The following GCNT3 variants were observed in gnomAD, a reference collection of about 807,000 sequenced individuals.
GCNT3 encodes the protein beta-1,3-galactosyl-O-glycosyl-glycoprotein beta-1,6-N-acetylglucosaminyltransferase 3.
For missense variants in GCNT3, 708 were observed against 530.3 expected, an observed-to-expected ratio of 1.34 and a Z score of -3.29; for synonymous variants, 269 against 195.2, an observed-to-expected ratio of 1.38 and a Z score of -3.15.
At chr15:59,612,667 A>G (rs1457538029) in intron 1 of GCNT3, among the ~76,000 whole-genome samples, 1 of 152,084 alleles carries the variant, frequency 6.6e-6, no homozygotes, top group African/African-American at 2.4e-5. Context: ...AGTGTCCTGT[A>G]TGTTCTTCAG....
intron 1 of GCNT3, among the ~76,000 whole-genome samples, chr15:59,614,045 A>G (rs2082708533): frequency 6.6e-6 from 1 of 152,172 alleles, no homozygotes; most frequent in Non-Finnish European, 1.5e-5. Flanking sequence ...AAAGCCCTCA[A>G]CTATTCAAGG....
chr15:59,614,775 C>T (rs972922361), intron 1 of GCNT3, among the ~76,000 whole-genome samples: 2 of 152,198 alleles, frequency 1.3e-5, no homozygotes, highest in East Asian at 3.8e-4. Context: ...ATGCCTTAAC[C>T]ATCTGCTAAT....
At chr15:59,613,061 C>T (rs1296051250) in intron 1 of GCNT3, among the ~76,000 whole-genome samples, 4 of 152,028 alleles carry the variant, frequency 2.6e-5, no homozygotes, top group African/African-American at 7.2e-5. Flanking sequence ...ATAACCTTCA[C>T]TGAGGGGCTG....
rs767649062 is a variant in GCNT3 at position 59,619,536 on chromosome 15, T to C, written c.1298T>C (p.Ile433Thr). ...CLEEYLRYKA[I>T]YGTEL ...GAAGAATACCTACGTTATAAGGCCA[T>C]CTATGGGACTGAACTTTGAGACACA... The change falls in exon 3 of 3, where the codon ATC becomes ACC. Residue 433 changes from isoleucine to threonine, a missense_variant. Physicochemically the swap from Ile to Thr is moderately conservative, Grantham distance 89. Coordinates refer to ENST00000396065, the MANE Select transcript of GCNT3 (RefSeq NM_004751.3). 1.3e-6 allele frequency: 2 copies of C among 1,594,416 alleles called. No homozygotes were observed. Among genetic ancestry groups the C allele is most frequent in the Non-Finnish European group, 8.6e-7 (1 of 1,166,068 alleles).
chr15:59,612,732 C>G (rs1217279930), intron 1 of GCNT3, among the ~76,000 whole-genome samples: 1 of 152,134 alleles, frequency 6.6e-6, no homozygotes, highest in Non-Finnish European at 1.5e-5. Flanking sequence ...GAATGCTTGC[C>G]TGATCTCTGC....
rs761038958 is a variant in GCNT3, at chr15:59,619,265, C to T, written c.1027C>T (p.Pro343Ser). 1.9e-6 allele frequency: 3 copies of T among 1,614,106 alleles called. No homozygotes were observed. Among genetic ancestry groups the T allele is most frequent in the Non-Finnish European group, 2.5e-6 (3 of 1,180,028 alleles). Residue 343 changes from proline (P) to serine (S), a missense_variant, in exon 3 of 3, where the codon CCT (proline) becomes TCT (serine). Pro to Ser is a moderately conservative substitution (Grantham distance 74, BLOSUM62 -1). Coordinates refer to ENST00000396065, the MANE Select transcript of GCNT3 (RefSeq NM_004751.3). Reference sequence around the variant, plus strand: ...CACCCTTCAGCGTGCACGGTGGATGCCTGGCTCTGTTCCCAACCACCCCAA... The same window carrying T: ...CACCCTTCAGCGTGCACGGTGGATGTCTGGCTCTGTTCCCAACCACCCCAA... ...WATLQRARWMPGSVPNHPKYD... is the reference protein window; with the variant it reads ...WATLQRARWMSGSVPNHPKYD...
chr15:59,615,032 G>A (rs1413541646), intron 1 of GCNT3: 1 of 152,076 alleles, frequency 6.6e-6, no homozygotes, highest in African/African-American at 2.4e-5. Context: ...CTCCATTATT[G>A]CCTCATTATC....
chr15:59,613,416 T>C (rs1566904243), intron 1 of GCNT3, among the ~76,000 whole-genome samples: 3 of 151,842 alleles, frequency 2.0e-5, no homozygotes, highest in African/African-American at 4.8e-5. Context: ...AAATAAAATA[T>C]TTGGCTGGGC....
chr15:59,619,344 A>G lies in GCNT3; in HGVS notation c.1106A>G (p.His369Arg). Residue 369 changes from histidine (H) to arginine (R), a missense_variant, in exon 3 of 3, where the codon CAT (histidine) becomes CGT (arginine). By Grantham distance (29) the His-to-Arg change is conservative. Coordinates refer to ENST00000396065, the MANE Select transcript of GCNT3 (RefSeq NM_004751.3). ...SIARLVKWQGHEGDIDKGAPY... is the reference protein window; with the variant it reads ...SIARLVKWQGREGDIDKGAPY... ...GCCAGGCTGGTCAAGTGGCAGGGTC[A>G]TGAGGGAGACATCGATAAGGGTGCT... 1 of 1,614,112 alleles carries G rather than the reference A, an allele frequency of 6.2e-7. No individual in the cohort carries two copies. The highest frequency in any genetic ancestry group is 8.5e-7 in the Non-Finnish European group (1 of 1,180,006).
At position 59,619,338 on chromosome 15, in the gene GCNT3, AG is replaced by A. The variant is rs1273753615; in HGVS notation, c.1103del (p.Gly368ValfsTer31). ...TCTATTGCCAGGCTGGTCAAGTGGC[AG>A]GGTCATGAGGGAGACATCGATAAGG... The part of the protein sequence containing the change: ...MTSIARLVKW[Q>X]GHEGDIDKGA... On this transcript the variant is annotated frameshift_variant, in exon 3 of 3. Transcript: ENST00000396065. LOFTEE classifies it low-confidence loss of function (END_TRUNC). The A allele has an allele frequency of 6.2e-7, 1 of 1,614,060 alleles. No individual in the cohort carries two copies. The highest frequency in any genetic ancestry group is 8.5e-7 in the Non-Finnish European group (1 of 1,180,000).
At chr15:59,617,170 C>CTTTTTT (rs373439386) in intron 2 of GCNT3, among the ~76,000 whole-genome samples, 3 of 82,388 alleles carry the variant, frequency 3.6e-5, no homozygotes, top group African/African-American at 9.3e-5. Context: ...CTTTTGTTTT[C>CTTTTTT]TTTCTTTCTT....
chr15:59,619,476 A>C lies in GCNT3; in HGVS notation c.1238A>C (p.Asp413Ala). Residue 413 changes from aspartate to alanine, a missense_variant, in exon 3 of 3, where the codon GAC becomes GCC. Coordinates refer to ENST00000396065, the MANE Select transcript of GCNT3 (RefSeq NM_004751.3). ...CATCACCTGTTGGCCAACAAGTTTGACCCAAAGGTAGATGATAATGCTCTT... is the reference window on the plus strand; with the variant it reads ...CATCACCTGTTGGCCAACAAGTTTGCCCCAAAGGTAGATGATAATGCTCTT... ...QNHHLLANKFDPKVDDNALQC... is the reference protein window; with the variant it reads ...QNHHLLANKFAPKVDDNALQC... 2 of 1,614,048 alleles carry C rather than the reference A, an allele frequency of 1.2e-6. No homozygotes were observed. The highest frequency in any genetic ancestry group is 1.7e-6 in the Non-Finnish European group (2 of 1,179,960).
intron 1 of GCNT3, among the ~76,000 whole-genome samples, chr15:59,615,919 T>A (rs368287197): frequency 2.0e-5 from 3 of 152,072 alleles, no homozygotes; most frequent in Non-Finnish European, 4.4e-5. Context: ...TGTTCAGATA[T>A]TTGGTTAGGA....
intron 1 of GCNT3, among the ~76,000 whole-genome samples, chr15:59,615,944 G>T (rs933536447): frequency 6.6e-6 from 1 of 152,152 alleles, no homozygotes; most frequent in Non-Finnish European, 1.5e-5. Flanking sequence ...TGCTTTTTAG[G>T]AGGAGCAGTT....
chr15:59,618,170 C>A lies in GCNT3; in HGVS notation c.-60-9C>A, dbSNP rs1376741593. The A allele has an allele frequency of 1.2e-6, 1 of 820,734 alleles. No homozygotes were observed. Among genetic ancestry groups the A allele is most frequent in the Non-Finnish European group, 1.9e-6 (1 of 513,872 alleles). The allele number at this position is 820,734 out of a possible 1,614,324, so 50.8% of individuals were successfully genotyped here. A position where few individuals can be genotyped will look rare whatever the true frequency, so the allele number is the denominator to read the frequency against. ...GGTTTGTAACTGGAGGCATTTTGTT[C>A]TGTCCAAGGATTGTGTCCTCCTCCA... On this transcript the variant is annotated splice_polypyrimidine_tract_variant and intron_variant, in intron 2 of 2. Transcript: ENST00000396065.
intron 1 of GCNT3, among the ~76,000 whole-genome samples, chr15:59,612,611 C>T (rs1479446973): frequency 6.6e-6 from 1 of 152,098 alleles, no homozygotes; most frequent in Non-Finnish European, 1.5e-5. Context: ...GAAATGTGCC[C>T]GGGATCCCAG....
Position 59,618,467 on chromosome 15 carries a change from G to T in GCNT3, c.229G>T (p.Asp77Tyr). 6.2e-7 allele frequency: 1 copy of T among 1,614,110 alleles called. No individual in the cohort carries two copies. The highest frequency in any genetic ancestry group is 8.5e-7 in the Non-Finnish European group (1 of 1,179,974). ...SINCSGVTRGDQEAVLQAILN... is the reference protein window; with the variant it reads ...SINCSGVTRGYQEAVLQAILN... The stretch of plus-strand genomic sequence containing the variant: ...CAACTGTTCAGGGGTCACCCGAGGG[G>T]ACCAAGAGGCAGTGCTTCAGGCTAT... The change falls in exon 3 of 3, where the codon GAC becomes TAC. Residue 77 changes from aspartate to tyrosine, a missense_variant. Coordinates refer to ENST00000396065, the MANE Select transcript of GCNT3 (RefSeq NM_004751.3).
Position 59,619,727 on chromosome 15 carries a change from C to G in GCNT3, c.*172C>G. 3.3e-6 allele frequency: 2 copies of G among 609,430 alleles called. No homozygotes were observed. The highest frequency in any genetic ancestry group is 6.0e-6 in the Non-Finnish European group (2 of 331,852). 37.8% of individuals were successfully genotyped at this position (609,430 alleles called of 1,614,324 possible). A position where few individuals can be genotyped will look rare whatever the true frequency, so the allele number is the denominator to read the frequency against. ...AGTAGATCTTTTGCCTTGCAAATTG[C>G]TGCCTGGGTGAATGCTGCTTGTTCT... On this transcript the variant is annotated 3_prime_UTR_variant, in exon 3 of 3. Transcript: ENST00000396065.
At position 59,618,892 on chromosome 15, in the gene GCNT3, G is replaced by T; in HGVS notation, c.654G>T (p.Val218=). The change falls in exon 3 of 3, where the codon GTG becomes GTT. Residue 218 remains valine, a synonymous_variant. Coordinates refer to ENST00000396065, the MANE Select transcript of GCNT3 (RefSeq NM_004751.3). The part of the protein sequence containing the change: ...NCMEDLLQSS[V]PWKYFLNTCG... ...TGGAAGACTTGCTCCAGAGCTCAGTGCCGTGGAAATACTTCCTGAATACAT... is the reference window on the plus strand; with the variant it reads ...TGGAAGACTTGCTCCAGAGCTCAGTTCCGTGGAAATACTTCCTGAATACAT... The T allele has an allele frequency of 6.2e-7, 1 of 1,614,168 alleles. No individual in the cohort carries two copies. The highest frequency in any genetic ancestry group is 8.5e-7 in the Non-Finnish European group (1 of 1,180,024).
Sources: gnomAD v4.1 joint callset for allele counts (sites outside exome capture counted in the v4.1 genomes callset) on GRCh38, gnomAD v4.1.1 for gene constraint, MANE v1.5 for transcripts, NCBI Gene and HGNC (gene_info 2026-07-23, HGNC 2026-07-21) for gene names.